ZC2HC1B: variants seen among roughly 807,000 people sequenced by gnomAD.
The protein encoded by ZC2HC1B is zinc finger C2HC domain-containing protein 1B.
A neutral mutation model predicts 31.0 loss-of-function variants in ZC2HC1B; 36 were observed. That is an observed-to-expected ratio of 1.16 (90% CI 0.89 to 1.54). ZC2HC1B has a LOEUF of 1.54. Ranked by LOEUF, ZC2HC1B falls within the 40% of genes most tolerant of loss-of-function variation. The pLI is 0.00. For missense variants in ZC2HC1B, 260 were observed against 268.6 expected (o/e 0.97, Z 0.22); for synonymous variants, 73 against 88.0 (o/e 0.83, Z 0.95).
At position 143,908,292 on chromosome 6, in the gene ZC2HC1B, G is replaced by T. The variant is rs1282706253; in HGVS notation, c.598+5140G>T. Among the ~76,000 whole-genome samples the T allele has an allele frequency of 6.6e-6, 1 of 151,894 alleles. No homozygotes were observed. The highest frequency in any genetic ancestry group is 2.4e-5 in the African/African-American group (1 of 41,324). ...TTGATTTCATATGAATTTTAAAATA[G>T]TTTTTTCTAATTCTGTGAAGAATGT... On this transcript the variant is annotated intron_variant, in intron 6 of 7. Transcript: ENST00000237275. The surrounding 1 kb of genome is among the most constrained non-coding windows in gnomAD (Gnocchi z 4.4).
intron 1 of ZC2HC1B, among the ~76,000 whole-genome samples, chr6:143,880,143 A>G (rs964351978): frequency 6.6e-6 from 1 of 151,894 alleles, no homozygotes; most frequent in Admixed American, 6.6e-5. Flanking sequence ...TTTATTTTTG[A>G]TGTGTTAAAC....
chr6:143,891,325 T>C (rs1777600732), intron 4 of ZC2HC1B, among the ~76,000 whole-genome samples: 1 of 152,110 alleles, frequency 6.6e-6, no homozygotes. Context: ...GATTGTGTTA[T>C]GATGTCAATT....
In ZC2HC1B at chr6:143,924,868, T is replaced by C. The variant is rs1244230800; in HGVS notation, c.599-12781T>C. ...CATCTGATGTATTATCCTTTTATGG[T>C]GCTGTTGGATTCACTTTGCTAGTAT... is the stretch of plus-strand genomic sequence containing the variant. On this transcript the variant is annotated intron_variant, in intron 6 of 7. Transcript: ENST00000237275. The surrounding 1 kb of genome is among the most constrained non-coding windows in gnomAD (Gnocchi z 5.2). 2.0e-5 allele frequency among the ~76,000 whole-genome samples: 3 copies of C among 152,200 alleles called. No homozygotes were observed. The highest frequency in any genetic ancestry group is 4.4e-5 in the Non-Finnish European group (3 of 68,032).
intron 1 of ZC2HC1B, among the ~76,000 whole-genome samples, chr6:143,873,015 C>T (rs1325575676): frequency 6.6e-6 from 1 of 152,212 alleles, no homozygotes; most frequent in Non-Finnish European, 1.5e-5. Context: ...CAAAACTCCA[C>T]AGTCCAAAGT....
At position 143,936,589 on chromosome 6, in the gene ZC2HC1B, T is replaced by C. The variant is rs181021643; in HGVS notation, c.599-1060T>C. ...GGCTGTTTTCTGGAGGCTTTTGTTA[T>C]ATGAATGATGGATATACTGGAAGGT... On this transcript the variant is annotated intron_variant, in intron 6 of 7. Coordinates refer to ENST00000237275, the MANE Select transcript of ZC2HC1B (RefSeq NM_001013623.3). Among the ~76,000 whole-genome samples, 830 of 152,346 alleles carry C rather than the reference T, an allele frequency of 5.4e-3. 4 individuals carry two copies. Among genetic ancestry groups the C allele is most frequent in the Non-Finnish European group, 9.5e-3 (643 of 68,034 alleles).
intron 1 of ZC2HC1B, among the ~76,000 whole-genome samples, chr6:143,878,490 G>C (rs929254270): frequency 6.6e-6 from 1 of 150,378 alleles, no homozygotes; most frequent in Admixed American, 6.6e-5. Context: ...AGGCGGAAGG[G>C]GAGGGGAAAG....
In ZC2HC1B at chr6:143,908,178, G is replaced by A. The variant is rs550764013; in HGVS notation, c.598+5026G>A. Among the ~76,000 whole-genome samples the A allele has an allele frequency of 1.3e-5, 2 of 152,244 alleles. No individual in the cohort carries two copies. Among genetic ancestry groups the A allele is most frequent in the African/African-American group, 4.8e-5 (2 of 41,546 alleles). ...GTGTAATGCTGTTTTGGTTACTGTA[G>A]CCTTGTAGTGTAGTTTGAAGTTGGG... is the stretch of plus-strand genomic sequence containing the variant. On this transcript the variant is annotated intron_variant, in intron 6 of 7. Coordinates refer to ENST00000237275, the MANE Select transcript of ZC2HC1B (RefSeq NM_001013623.3). The surrounding 1 kb of genome is among the most constrained non-coding windows in gnomAD (Gnocchi z 4.4).
At chr6:143,866,578 G>A (rs912903211) in intron 1 of ZC2HC1B, among the ~76,000 whole-genome samples, 19 of 152,296 alleles carry the variant, frequency 1.2e-4, no homozygotes, top group African/African-American at 2.6e-4. Context: ...TGCAGTTACC[G>A]CTTGTGTCTA....
At position 143,885,041 on chromosome 6, in the gene ZC2HC1B, A is replaced by T. The variant is rs2128493956; in HGVS notation, c.90+676A>T. On this transcript the variant is annotated intron_variant, in intron 2 of 7. Coordinates refer to ENST00000237275, the MANE Select transcript of ZC2HC1B (RefSeq NM_001013623.3). This position sits in a 1 kb window ranked among gnomAD's most constrained non-coding sequence, Gnocchi z 4.2. ...TATAAAGGGGTTCCCAAGAAAGATGATTTTTTTTCAAAAAGAAAATCTAAG... is the reference window on the plus strand; with the variant it reads ...TATAAAGGGGTTCCCAAGAAAGATGTTTTTTTTTCAAAAAGAAAATCTAAG... 6.6e-6 allele frequency among the ~76,000 whole-genome samples: 1 copy of T among 152,074 alleles called. No homozygotes were observed. Among genetic ancestry groups the T allele is most frequent in the South Asian group, 2.1e-4 (1 of 4,800 alleles).
At position 143,923,601 on chromosome 6, in the gene ZC2HC1B, T is replaced by C. The variant is rs1182318738; in HGVS notation, c.599-14048T>C. Among the ~76,000 whole-genome samples the C allele has an allele frequency of 6.6e-6, 1 of 152,176 alleles. No homozygotes were observed. The highest frequency in any genetic ancestry group is 1.5e-5 in the Non-Finnish European group (1 of 67,998). On this transcript the variant is annotated intron_variant, in intron 6 of 7. Transcript: ENST00000237275. The surrounding 1 kb of genome is among the most constrained non-coding windows in gnomAD (Gnocchi z 4.8). The stretch of plus-strand genomic sequence containing the variant: ...GTTTTGGGTCTTATGTTTAAGTCTT[T>C]CATCAATTTTGGGTTGATTTTTGTA...
chr6:143,902,795 C>T (rs906705981), intron 5 of ZC2HC1B, among the ~76,000 whole-genome samples: 9 of 152,188 alleles, frequency 5.9e-5, no homozygotes, highest in Non-Finnish European at 4.4e-5. Context: ...CCACCACCAA[C>T]CCCAAGGGCT....
Position 143,913,853 on chromosome 6 carries a change from C to T in ZC2HC1B, c.598+10701C>T, listed in dbSNP as rs1012980816. 5.9e-5 allele frequency among the ~76,000 whole-genome samples: 9 copies of T among 152,176 alleles called. No individual in the cohort carries two copies. Among genetic ancestry groups the T allele is most frequent in the South Asian group, 2.1e-4 (1 of 4,828 alleles). ...CGCCACCCTACTTTTCTTCATTCTC[C>T]GTGTATTGAGTTGTTTCCCTAATCA... is the stretch of plus-strand genomic sequence containing the variant. On this transcript the variant is annotated intron_variant, in intron 6 of 7. Coordinates refer to ENST00000237275, the MANE Select transcript of ZC2HC1B (RefSeq NM_001013623.3). The surrounding 1 kb of genome is among the most constrained non-coding windows in gnomAD (Gnocchi z 5.7).
chr6:143,927,993 T>C (rs185658893), intron 6 of ZC2HC1B, among the ~76,000 whole-genome samples: 2 of 152,330 alleles, frequency 1.3e-5, no homozygotes, highest in African/African-American at 4.8e-5. Context: ...TGTTGTTGAC[T>C]TGTTTGAATT....
intron 6 of ZC2HC1B, among the ~76,000 whole-genome samples, chr6:143,919,917 A>G (rs777294302): frequency 3.3e-5 from 5 of 152,174 alleles, no homozygotes; most frequent in Admixed American, 2.0e-4. Context: ...CTACTCTTCT[A>G]TCTTTCCAGA....
intron 1 of ZC2HC1B, among the ~76,000 whole-genome samples, chr6:143,866,012 C>T (rs547936970): frequency 5.3e-4 from 80 of 152,276 alleles, no homozygotes; most frequent in African/African-American, 1.5e-3. Context: ...GACAGGGTTT[C>T]GCCATGTTGG....
chr6:143,932,262 A>T (rs182092152), intron 6 of ZC2HC1B, among the ~76,000 whole-genome samples: 1 of 152,348 alleles, frequency 6.6e-6, no homozygotes, highest in African/African-American at 2.4e-5. Flanking sequence ...TCTTCCAAGA[A>T]GATTTCTCTT....
intron 6 of ZC2HC1B, among the ~76,000 whole-genome samples, chr6:143,919,900 G>C (rs1315887374): frequency 6.6e-6 from 1 of 152,028 alleles, no homozygotes. Flanking sequence ...CAAATTCCTG[G>C]TGCTTCCTAC....
chr6:143,898,089 C>G (rs1777689836), intron 4 of ZC2HC1B, among the ~76,000 whole-genome samples: 2 of 152,172 alleles, frequency 1.3e-5, no homozygotes, highest in Non-Finnish European at 2.9e-5. Context: ...TTAGTTGAGC[C>G]CTGCATGTCT....
At chr6:143,875,316 T>G (rs1431269540) in intron 1 of ZC2HC1B, among the ~76,000 whole-genome samples, 1 of 151,368 alleles carries the variant, frequency 6.6e-6, no homozygotes, top group Non-Finnish European at 1.5e-5. Context: ...GATGAGTAGG[T>G]CTAAAGTGAC....
Sources: allele counts gnomAD v4.1 joint callset (sites outside exome capture counted in the v4.1 genomes callset), GRCh38; gene constraint gnomAD v4.1.1; non-coding constraint Gnocchi (gnomAD v3.1); transcripts MANE v1.5; gene names NCBI Gene and HGNC (gene_info 2026-07-23, HGNC 2026-07-21).